CHM: variants seen among roughly 807,000 people sequenced by gnomAD.
CHM encodes the protein CHM Rab escort protein, also known as rab proteins geranylgeranyltransferase component A 1.
In CHM, 10 loss-of-function variants were observed where a neutral mutation model predicts 49.0. The ratio of observed to expected loss-of-function variants is 0.20; its 90% CI spans 0.13 to 0.35. CHM has a LOEUF of 0.35. Ranked by LOEUF, CHM falls within the 10% of genes least tolerant of loss-of-function variation. The pLI is 1.00. For missense variants in CHM, 455 were observed against 478.4 expected, an observed-to-expected ratio of 0.95 and a Z score of 0.46; for synonymous variants, 184 against 167.5, an observed-to-expected ratio of 1.10 and a Z score of -0.76.
chrX:85,966,921 A>G lies in CHM; in HGVS notation c.315-2869T>C, dbSNP rs1930612706. Among the ~76,000 whole-genome samples the G allele has an allele frequency of 6.2e-5, 7 of 112,026 alleles. No homozygotes were observed. In the South Asian group the frequency reaches 2.6e-3, roughly 41 times the overall value. ...ACCAGTACTGGACAACCTGGAAGAT[A>G]TAAGTCAAAATACTTAATTAAAGGT... On this transcript the variant is annotated intron_variant, in intron 4 of 14. Coordinates refer to ENST00000357749, the MANE Select transcript of CHM (RefSeq NM_000390.4).
chrX:85,978,135 T>C (rs1373392182), intron 4 of CHM, among the ~76,000 whole-genome samples: 2 of 112,033 alleles, frequency 1.8e-5, no homozygotes, highest in Non-Finnish European at 3.8e-5. Context: ...TGAAAAAGTA[T>C]ACTAATCCAA....
At chrX:86,001,320 G>C (rs764424162) in intron 2 of CHM, among the ~76,000 whole-genome samples, 1 of 105,391 alleles carries the variant, frequency 9.5e-6, no homozygotes, top group Non-Finnish European at 2.0e-5. Flanking sequence ...CAACAGTAGA[G>C]AAATGGCTAA....
chrX:86,011,948 C>T (rs747108840), intron 2 of CHM, among the ~76,000 whole-genome samples: 29 of 112,137 alleles, frequency 2.6e-4, no homozygotes, highest in Non-Finnish European at 2.8e-4. Flanking sequence ...GCACCGCCTA[C>T]ACCTTGACTT....
intron 12 of CHM, among the ~76,000 whole-genome samples, chrX:85,890,981 T>G (rs892641045): frequency 9.9e-5 from 11 of 111,288 alleles, no homozygotes; most frequent in African/African-American, 3.6e-4. Context: ...GAGGAACTTG[T>G]TGGGAACTCG....
At chrX:85,929,866 G>A (rs745673765) in intron 8 of CHM, among the ~76,000 whole-genome samples, 3 of 108,987 alleles carry the variant, frequency 2.8e-5, no homozygotes, top group South Asian at 4.0e-4. Flanking sequence ...CTTTGGGAGG[G>A]CAAGACAGAC....
At chrX:85,927,276 A>G (rs2071052581) in intron 8 of CHM, among the ~76,000 whole-genome samples, 2 of 112,152 alleles carry the variant, frequency 1.8e-5, no homozygotes, top group South Asian at 7.4e-4. Flanking sequence ...GTTTGACTGT[A>G]CAAAGCTGTG....
chrX:86,034,755 G>A (rs1232417656), intron 1 of CHM, among the ~76,000 whole-genome samples: 1 of 111,212 alleles, frequency 9.0e-6, no homozygotes, highest in African/African-American at 3.3e-5. Context: ...ACTCCAGCCT[G>A]GGCGACAAAA....
At chrX:85,909,780 T>C (rs1236854672) in intron 9 of CHM, among the ~76,000 whole-genome samples, 2 of 111,974 alleles carry the variant, frequency 1.8e-5, no homozygotes, top group African/African-American at 6.5e-5. Flanking sequence ...ATTATTCATG[T>C]CACATGGGAC....
intron 2 of CHM, among the ~76,000 whole-genome samples, chrX:85,997,365 C>T (rs753926586): frequency 2.7e-5 from 3 of 111,572 alleles, no homozygotes; most frequent in South Asian, 3.8e-4. Context: ...CACCTCGATA[C>T]CCAGGAACTA....
At chrX:85,869,499 A>C (rs1360848589) in intron 14 of CHM, among the ~76,000 whole-genome samples, 1 of 110,365 alleles carries the variant, frequency 9.1e-6, no homozygotes, top group Non-Finnish European at 1.9e-5. Context: ...CCTGCCTCCT[A>C]AGATTAGCAC....
Position 85,956,237 on chromosome X carries a change from A to C in CHM, c.1082T>G (p.Phe361Cys). ...TIDGLKATKN[F>C]LHCLGRYGNT... ...GCCATACCGCCCAAGACAGTGAAGA[A>C]AGTTTTTGGTAGCTTTGAGACCATC... Residue 361 changes from phenylalanine to cysteine, a missense_variant, in exon 8 of 15, where the codon TTT becomes TGT. Coordinates refer to ENST00000357749, the MANE Select transcript of CHM (RefSeq NM_000390.4). 1 of 1,211,433 alleles carries C rather than the reference A, an allele frequency of 8.3e-7. No homozygotes were observed. Among genetic ancestry groups the C allele is most frequent in the African/African-American group, 1.7e-5 (1 of 57,734 alleles).
rs757071385 is a variant in CHM, at chrX:85,965,777, G to C, written c.315-1725C>G. On this transcript the variant is annotated intron_variant, in intron 4 of 14. Transcript: ENST00000357749. ...ATAAAATGCCATATTTACTGTTATA[G>C]TAATTCTAATAAAATCTAGTGAAGA... 2.0e-4 allele frequency among the ~76,000 whole-genome samples: 22 copies of C among 111,513 alleles called. 1 individual carries two copies. In the East Asian group the frequency reaches 5.4e-3, roughly 27 times the overall value.
intron 2 of CHM, among the ~76,000 whole-genome samples, chrX:85,988,519 A>G (rs1932027381): frequency 8.9e-6 from 1 of 111,761 alleles, no homozygotes; most frequent in Non-Finnish European, 1.9e-5. Context: ...TAGGCAAGAG[A>G]AAGAGATAAT....
intron 12 of CHM, among the ~76,000 whole-genome samples, chrX:85,891,286 C>T (rs1346485402): frequency 8.9e-6 from 1 of 112,128 alleles, no homozygotes. Flanking sequence ...TAGCAAGGAA[C>T]CTAATGTTAA....
chrX:85,938,831 T>G (rs1438519275), intron 8 of CHM, among the ~76,000 whole-genome samples: 1 of 110,933 alleles, frequency 9.0e-6, no homozygotes, highest in Admixed American at 9.7e-5. Context: ...TGTGTGTGTG[T>G]GTTTTTAATG....
rs1255575910 is a variant in CHM at position 85,957,929 on chromosome X, A to G, written c.866T>C (p.Met289Thr). 2 of 1,211,042 alleles carry G rather than the reference A, an allele frequency of 1.7e-6. No individual in the cohort carries two copies. Among genetic ancestry groups the G allele is most frequent in the Admixed American group, 4.3e-5 (2 of 45,996 alleles). The change falls in exon 7 of 15, where the codon ATG becomes ACG. Residue 289 changes from methionine (M) to threonine (T), a missense_variant. By Grantham distance (81) the Met-to-Thr change is moderately conservative (BLOSUM62 -1). Coordinates refer to ENST00000357749, the MANE Select transcript of CHM (RefSeq NM_000390.4). The stretch of plus-strand genomic sequence containing the variant: ...TTTCATTAGCATTCGCTTTTCTACC[A>G]TAGTAAGTTGTTTGCTATTAAAGAC... The part of the protein sequence containing the change: ...ADVFNSKQLT[M>T]VEKRMLMKFL...
intron 8 of CHM, among the ~76,000 whole-genome samples, chrX:85,955,439 T>C (rs2147661823): frequency 8.9e-6 from 1 of 111,828 alleles, no homozygotes; most frequent in Admixed American, 9.5e-5. Flanking sequence ...CACAAACAAG[T>C]ATTCCCTGAA....
At chrX:86,016,906 G>C (rs1461373764) in intron 2 of CHM, among the ~76,000 whole-genome samples, 8 of 112,401 alleles carry the variant, frequency 7.1e-5, no homozygotes, top group Non-Finnish European at 9.4e-5. Context: ...GAGGGAGGCT[G>C]TACCCTGCAG....
Position 85,900,674 on chromosome X carries a change from G to C in CHM, c.1385C>G (p.Ser462Cys), listed in dbSNP as rs1346231892. Reference sequence around the variant, plus strand: ...TTGATCTGAATCTGTTTTTAGGACAGATCTATCTGTAATCAGCACTGCCCT... The same window carrying C: ...TTGATCTGAATCTGTTTTTAGGACACATCTATCTGTAATCAGCACTGCCCT... Reference protein sequence around the residue: ...ISRAVLITDRSVLKTDSDQQI... With the variant: ...ISRAVLITDRCVLKTDSDQQI... The change falls in exon 11 of 15, where the codon TCT (serine) becomes TGT (cysteine). Residue 462 changes from serine to cysteine, a missense_variant. Transcript: ENST00000357749. 1.7e-6 allele frequency: 2 copies of C among 1,186,952 alleles called. No individual in the cohort carries two copies. Among genetic ancestry groups the C allele is most frequent in the Admixed American group, 2.2e-5 (1 of 45,436 alleles).
Sources: gnomAD v4.1 joint callset for allele counts (sites outside exome capture counted in the v4.1 genomes callset) on GRCh38, gnomAD v4.1.1 for gene constraint, MANE v1.5 for transcripts, NCBI Gene and HGNC (gene_info 2026-07-23, HGNC 2026-07-21) for gene names.